ST7: variants seen among roughly 807,000 people sequenced by gnomAD.
The protein encoded by ST7 is suppression of tumorigenicity 7.
Under a neutral mutation model 78.7 loss-of-function variants are expected in ST7, and 28 were observed. The observed-to-expected ratio is 0.36, with a 90% CI of 0.26 to 0.49. The LOEUF (loss-of-function observed/expected upper bound fraction) is 0.49, where lower values mean the gene tolerates loss of function less well. ST7 is among the 20% of genes least tolerant of loss of function. The probability of loss-of-function intolerance (pLI) is 0.99; values close to 1 mark genes in which losing one functional copy is unlikely to be tolerated. For synonymous variants in ST7, 247 were observed against 249.6 expected (o/e 0.99, Z 0.10); for missense variants, 418 against 696.0 (o/e 0.60, Z 4.49).
intron 10 of ST7, among the ~76,000 whole-genome samples, chr7:117,184,636 G>A (rs1584538553): frequency 6.6e-6 from 1 of 152,112 alleles, no homozygotes; most frequent in African/African-American, 2.4e-5. Flanking sequence ...GACAGGGAGG[G>A]TACAAATATA....
chr7:117,229,804 A>T lies in ST7; in HGVS notation c.1681A>T (p.Lys561Ter). Residue 561 changes from lysine (K) to a stop codon, truncating the protein, a stop_gained, in exon 16 of 16, where the codon AAA becomes TAA. Transcript: ENST00000323984. LOFTEE classifies it high-confidence loss of function. The stretch of plus-strand genomic sequence containing the variant: ...TGCCCCCTTAAACTTTGTCATGGAG[A>T]AAGTGGAGAGCATCCTCCCATCCAG... Reference protein sequence around the residue: ...LFAPLNFVMEKVESILPSSLW... With the variant: ...LFAPLNFVME 6.2e-7 allele frequency: 1 copy of T among 1,613,860 alleles called. No homozygotes were observed. Among genetic ancestry groups the T allele is most frequent in the Non-Finnish European group, 8.5e-7 (1 of 1,179,988 alleles).
At chr7:116,989,423 T>C (rs1171209188) in intron 1 of ST7, among the ~76,000 whole-genome samples, 6 of 152,306 alleles carry the variant, frequency 3.9e-5, no homozygotes, top group Admixed American at 3.3e-4. Context: ...TATGAAGAAA[T>C]TCACCCATTG....
intron 9 of ST7, among the ~76,000 whole-genome samples, chr7:117,141,027 G>A (rs1004995747): frequency 1.3e-5 from 2 of 152,126 alleles, no homozygotes; most frequent in Non-Finnish European, 2.9e-5. Flanking sequence ...TCCGGTCATG[G>A]GTCAAGATAA....
At chr7:117,079,438 T>C (rs1431119352) in intron 1 of ST7, among the ~76,000 whole-genome samples, 1 of 152,342 alleles carries the variant, frequency 6.6e-6, no homozygotes, top group East Asian at 1.9e-4. Context: ...TTCATGTTCA[T>C]GTACTATCTT....
chr7:117,138,827 A>G (rs1158719676), intron 9 of ST7, among the ~76,000 whole-genome samples: 1 of 152,178 alleles, frequency 6.6e-6, no homozygotes, highest in African/African-American at 2.4e-5. Context: ...ACAAGCTTCT[A>G]ATAGAGTGGC....
intron 1 of ST7, among the ~76,000 whole-genome samples, chr7:117,000,104 C>A (rs1794855425): frequency 6.6e-6 from 1 of 152,132 alleles, no homozygotes; most frequent in Admixed American, 6.5e-5. Context: ...AGCCACTGCG[C>A]CCAGCCTAGA....
chr7:117,167,597 C>T (rs1018998541), intron 9 of ST7, among the ~76,000 whole-genome samples: 12 of 151,748 alleles, frequency 7.9e-5, no homozygotes, highest in Admixed American at 5.3e-4. Flanking sequence ...GGAAGTCATC[C>T]CCATGGAGAT....
intron 9 of ST7, among the ~76,000 whole-genome samples, chr7:117,162,337 G>GA (rs979579233): frequency 3.3e-5 from 5 of 151,912 alleles, no homozygotes; most frequent in Non-Finnish European, 4.4e-5. Context: ...TAGATAGGGG[G>GA]AAAAAATAAA....
chr7:116,984,044 C>T (rs939555604), intron 1 of ST7, among the ~76,000 whole-genome samples: 1 of 151,950 alleles, frequency 6.6e-6, no homozygotes, highest in Admixed American at 6.6e-5. Context: ...CAAACCTTGC[C>T]ACAAAGAGCA....
intron 1 of ST7, among the ~76,000 whole-genome samples, chr7:117,008,662 T>G (rs1388526435): frequency 1.3e-5 from 2 of 152,098 alleles, no homozygotes; most frequent in Non-Finnish European, 2.9e-5. Context: ...TGAAGGGAAT[T>G]GGGATGAAAC....
At chr7:117,149,590 AC>A (rs1806082736) in intron 9 of ST7, among the ~76,000 whole-genome samples, 1 of 106,032 alleles carries the variant, frequency 9.4e-6, no homozygotes, top group African/African-American at 4.0e-5. Flanking sequence ...TCCGTGTCCT[AC>A]CTTTTTTTTT....
intron 1 of ST7, among the ~76,000 whole-genome samples, chr7:117,008,737 G>A (rs946127756): frequency 6.6e-6 from 1 of 152,186 alleles, no homozygotes; most frequent in East Asian, 1.9e-4. Flanking sequence ...ATCTTCGTGA[G>A]TCTTGTCAAT....
At chr7:117,189,944 A>G (rs1381101954) in intron 11 of ST7, among the ~76,000 whole-genome samples, 1 of 152,196 alleles carries the variant, frequency 6.6e-6, no homozygotes. Flanking sequence ...TGCCTGTCAG[A>G]TGAAAGAGCA....
intron 10 of ST7, among the ~76,000 whole-genome samples, chr7:117,178,930 C>G (rs960836290): frequency 1.3e-5 from 2 of 152,178 alleles, no homozygotes. Flanking sequence ...GTTTCAGCAG[C>G]AGCATTCCAA....
intron 9 of ST7, among the ~76,000 whole-genome samples, chr7:117,160,542 ATC>A (rs112454515): frequency 0.12 from 18,138 of 150,638 alleles, 1,973 homozygotes; most frequent in African/African-American, 0.29. Context: ...AATCCCTTTC[ATC>A]TCTCTCTCTC....
intron 12 of ST7, among the ~76,000 whole-genome samples, chr7:117,194,119 G>A (rs934341914): frequency 6.6e-6 from 1 of 152,114 alleles, no homozygotes; most frequent in African/African-American, 2.4e-5. Context: ...AGATGGATGC[G>A]AAACACTAGA....
intron 7 of ST7, among the ~76,000 whole-genome samples, chr7:117,135,080 T>C (rs988998272): frequency 6.6e-6 from 1 of 152,012 alleles, no homozygotes; most frequent in African/African-American, 2.4e-5. Flanking sequence ...AGTAGGGAAA[T>C]GGCCACAAGT....
intron 9 of ST7, among the ~76,000 whole-genome samples, chr7:117,140,006 G>A (rs958315028): frequency 6.6e-6 from 1 of 152,194 alleles, no homozygotes; most frequent in Non-Finnish European, 1.5e-5. Context: ...ACTTTAATTA[G>A]CTTGGAACAG....
intron 1 of ST7, chr7:117,023,088 G>A (rs762438937): frequency 3.3e-5 from 5 of 152,114 alleles, no homozygotes; most frequent in Non-Finnish European, 7.3e-5. Context: ...CTCTTTGCCT[G>A]TAAGAGAAGG....
Sources: allele counts gnomAD v4.1 joint callset (sites outside exome capture counted in the v4.1 genomes callset), GRCh38; gene constraint gnomAD v4.1.1; transcripts MANE v1.5; gene names NCBI Gene and HGNC (gene_info 2026-07-23, HGNC 2026-07-21).